The following GRHL2 variants were observed in gnomAD, a reference collection of about 807,000 sequenced individuals.
The protein encoded by GRHL2 is grainyhead-like protein 2 homolog.
GRHL2 carries 21 observed loss-of-function variants against 83.8 expected under a neutral mutation model. That is an observed-to-expected ratio of 0.25 (90% CI 0.18 to 0.36). GRHL2 has a LOEUF of 0.36. Among genes scored for constraint, GRHL2 ranks in the 10% least tolerant of loss-of-function variants. The pLI, the probability that GRHL2 is intolerant of heterozygous loss-of-function variation, is 1.00. For synonymous variants in GRHL2, 280 were observed against 278.9 expected (o/e 1.00, Z -0.04); for missense variants, 623 against 781.8 (o/e 0.80, Z 2.42).
At chr8:101,575,412 GT>G (rs1438220150) in intron 6 of GRHL2, among the ~76,000 whole-genome samples, 1 of 152,104 alleles carries the variant, frequency 6.6e-6, no homozygotes, top group East Asian at 1.9e-4. Flanking sequence ...ATTTCTTTAT[GT>G]TCCATTTTGG....
At chr8:101,525,082 A>G (rs1329695721) in intron 1 of GRHL2, among the ~76,000 whole-genome samples, 4 of 151,974 alleles carry the variant, frequency 2.6e-5, no homozygotes, top group African/African-American at 9.7e-5. Flanking sequence ...AGCTGGGATT[A>G]CAGGCACTGG....
chr8:101,625,914 A>C (rs1163585966), intron 9 of GRHL2, among the ~76,000 whole-genome samples: 3 of 151,984 alleles, frequency 2.0e-5, no homozygotes, highest in African/African-American at 7.2e-5. Flanking sequence ...GGAAAATCAT[A>C]AGGAAGAAAT....
the GRHL2 span, among the ~76,000 whole-genome samples, chr8:101,675,655 A>T: frequency 3.9e-5 from 6 of 152,168 alleles, no homozygotes; most frequent in Non-Finnish European, 8.8e-5. Context: ...TATAGACTCA[A>T]CGCCATCCCC....
chr8:101,518,220 T>C (rs780130154), intron 1 of GRHL2, among the ~76,000 whole-genome samples: 15 of 152,236 alleles, frequency 9.9e-5, no homozygotes, highest in Non-Finnish European at 1.8e-4. Flanking sequence ...TCCAGCCTGG[T>C]CAACGTGGCA....
intron 1 of GRHL2, among the ~76,000 whole-genome samples, chr8:101,522,448 A>G (rs147012553): frequency 6.6e-6 from 1 of 152,214 alleles, no homozygotes; most frequent in South Asian, 2.1e-4. Context: ...TATATACGAC[A>G]CTTGAGCATC....
chr8:101,646,547 T>C (rs913328897), intron 13 of GRHL2, among the ~76,000 whole-genome samples: 2 of 152,248 alleles, frequency 1.3e-5, no homozygotes, highest in African/African-American at 2.4e-5. Flanking sequence ...GGCCCCTTGC[T>C]TGGAGCATCC....
At chr8:101,573,591 G>T in intron 5 of GRHL2, 77 bp from the exon 6 acceptor site, 1 of 1,537,022 alleles carries the variant, frequency 6.5e-7, no homozygotes, top group Non-Finnish European at 9.0e-7. Flanking sequence ...CATGTGAAAT[G>T]CTATGATGTG....
chr8:101,606,569 G>A (rs1043696065), intron 8 of GRHL2, among the ~76,000 whole-genome samples: 2 of 152,190 alleles, frequency 1.3e-5, no homozygotes, highest in African/African-American at 4.8e-5. Flanking sequence ...TTTAAAGGGA[G>A]AAAATGAAGT....
intron 1 of GRHL2, among the ~76,000 whole-genome samples, chr8:101,511,501 C>A (rs538425361): frequency 5.5e-4 from 83 of 152,268 alleles, no homozygotes; most frequent in Admixed American, 8.5e-4. Context: ...GCGTGTGCCA[C>A]CACACCTGGC....
chr8:101,536,651 C>T (rs1811051210), intron 1 of GRHL2, among the ~76,000 whole-genome samples: 1 of 152,188 alleles, frequency 6.6e-6, no homozygotes, highest in Non-Finnish European at 1.5e-5. Flanking sequence ...TAAAACGGTA[C>T]ATAAGGTTCA....
Position 101,667,978 on chromosome 8 carries a change from A to AGG in GRHL2, c.*1279_*1280dup, listed in dbSNP as rs1814111868. The AGG allele has an allele frequency of 1.3e-5, 2 of 152,708 alleles. No individual in the cohort carries two copies. Among genetic ancestry groups the AGG allele is most frequent in the African/African-American group, 4.8e-5 (2 of 41,450 alleles). 9.5% of individuals were successfully genotyped at this position (152,708 alleles called of 1,614,324 possible). Reference sequence around the variant, plus strand: ...CTTCCTCCTGGGCCACCAGATGGAAAGGGGGTATTGTTTGCCTCACTCCTG... The same window carrying AGG: ...CTTCCTCCTGGGCCACCAGATGGAAAGGGGGGGTATTGTTTGCCTCACTCCTG... On this transcript the variant is annotated 3_prime_UTR_variant, in exon 16 of 16. Coordinates refer to ENST00000646743, the MANE Select transcript of GRHL2 (RefSeq NM_024915.4).
chr8:101,568,274 C>T (rs1005551155), intron 4 of GRHL2, among the ~76,000 whole-genome samples: 2 of 152,232 alleles, frequency 1.3e-5, no homozygotes, highest in Non-Finnish European at 2.9e-5. Flanking sequence ...ATTTTCAAGT[C>T]CCTGCTAAAT....
intron 12 of GRHL2, among the ~76,000 whole-genome samples, chr8:101,639,828 C>T (rs1165187140): frequency 1.3e-5 from 2 of 152,268 alleles, no homozygotes; most frequent in Non-Finnish European, 2.9e-5. Flanking sequence ...TCCATCAGGA[C>T]TGCTCATTGG....
chr8:101,657,044 T>C (rs1174994321), intron 14 of GRHL2, among the ~76,000 whole-genome samples: 2 of 151,848 alleles, frequency 1.3e-5, no homozygotes, highest in Non-Finnish European at 2.9e-5. Context: ...GCTCATGGCC[T>C]TAGTAGCACC....
At chr8:101,512,631 T>C (rs1182614230) in intron 1 of GRHL2, among the ~76,000 whole-genome samples, 1 of 152,164 alleles carries the variant, frequency 6.6e-6, no homozygotes, top group Non-Finnish European at 1.5e-5. Flanking sequence ...TGCACCACGA[T>C]GCCTGACTAA....
At chr8:101,521,023 T>C (rs935832958) in intron 1 of GRHL2, among the ~76,000 whole-genome samples, 1 of 152,162 alleles carries the variant, frequency 6.6e-6, no homozygotes, top group Non-Finnish European at 1.5e-5. Flanking sequence ...TCGTGATGAA[T>C]AATCTAAGAT....
chr8:101,501,881 G>C (rs78479519), intron 1 of GRHL2, among the ~76,000 whole-genome samples: 2 of 151,304 alleles, frequency 1.3e-5, no homozygotes, highest in Admixed American at 6.6e-5. Flanking sequence ...GAAAAAACAT[G>C]CTTTTTTTTT....
chr8:101,569,487 T>G (rs1433057892), intron 4 of GRHL2, among the ~76,000 whole-genome samples: 1 of 152,214 alleles, frequency 6.6e-6, no homozygotes, highest in Non-Finnish European at 1.5e-5. Context: ...AAATAGGGTC[T>G]TAATAGGCAC....
At chr8:101,529,159 A>G (rs1337469250) in intron 1 of GRHL2, 1 of 281,628 alleles carries the variant, frequency 3.6e-6, no homozygotes, top group Non-Finnish European at 6.8e-6. Flanking sequence ...CCTCTTCAGC[A>G]TGCCCTGAAA....
Sources: gnomAD v4.1 joint callset for allele counts (sites outside exome capture counted in the v4.1 genomes callset) on GRCh38, gnomAD v4.1.1 for gene constraint, MANE v1.5 for transcripts, NCBI Gene and HGNC (gene_info 2026-07-23, HGNC 2026-07-21) for gene names.